PTP4A2: variants seen among roughly 807,000 people sequenced by gnomAD.
The protein encoded by PTP4A2 is protein tyrosine phosphatase 4A2.
A neutral mutation model predicts 22.9 loss-of-function variants in PTP4A2; 2 were observed. The ratio of observed to expected loss-of-function variants is 0.09; its 90% CI spans 0.04 to 0.27. The LOEUF is 0.27. Ranked by LOEUF, PTP4A2 falls within the 10% of genes least tolerant of loss-of-function variation. The pLI, the probability that PTP4A2 is intolerant of heterozygous loss-of-function variation, is 1.00. For synonymous variants in PTP4A2, 68 were observed against 69.1 expected (o/e 0.98, Z 0.08); for missense variants, 103 against 205.1 (o/e 0.50, Z 3.04).
chr1:31,919,954 C>T (rs548692016), intron 1 of PTP4A2, among the ~76,000 whole-genome samples: 86 of 148,040 alleles, frequency 5.8e-4, no homozygotes, highest in African/African-American at 2.1e-3. Flanking sequence ...TGGAGAAACC[C>T]CGTCGCTACT....
intron 2 of PTP4A2, 133 bp downstream of exon 2, chr1:31,918,836 TA>T: frequency 1.8e-6 from 1 of 563,442 alleles, no homozygotes; most frequent in Non-Finnish European, 3.2e-6. Context: ...CTGCTGTAAC[TA>T]ACCCAACCCA....
At chr1:31,910,716 C>A (rs1449813678) in intron 4 of PTP4A2, 1 of 152,166 alleles carries the variant, frequency 6.6e-6, no homozygotes, top group Admixed American at 6.5e-5. Context: ...CCTTCATTGG[C>A]CTTTAGCCAT....
intron 1 of PTP4A2, among the ~76,000 whole-genome samples, chr1:31,936,389 G>A (rs923846524): frequency 1.3e-5 from 2 of 151,594 alleles, no homozygotes; most frequent in South Asian, 2.1e-4. Flanking sequence ...CAAACAGAGC[G>A]AGACTCCATC....
chr1:31,925,087 G>A (rs1480962385), intron 1 of PTP4A2, among the ~76,000 whole-genome samples: 1 of 152,184 alleles, frequency 6.6e-6, no homozygotes, highest in Non-Finnish European at 1.5e-5. Flanking sequence ...AGATTACAAA[G>A]ATAAGAGATA....
intron 1 of PTP4A2, among the ~76,000 whole-genome samples, chr1:31,923,173 T>A (rs1652273219): frequency 6.6e-6 from 1 of 151,794 alleles, no homozygotes; most frequent in Non-Finnish European, 1.5e-5. Flanking sequence ...CCTCCCAAAG[T>A]GCTGGGATTA....
intron 1 of PTP4A2, among the ~76,000 whole-genome samples, chr1:31,927,601 T>C (rs150416182): frequency 3.9e-5 from 6 of 152,096 alleles, no homozygotes; most frequent in African/African-American, 1.4e-4. Flanking sequence ...ATTACAAAAA[T>C]GGTAAGGGTG....
rs370029267 is a variant in PTP4A2 at position 31,906,782 on chromosome 1, ACACACC to A, written c.*2064_*2069del. 7,590 of 120,454 alleles carry A rather than the reference ACACACC, an allele frequency of 0.063. 217 individuals carry two copies. The highest frequency in any genetic ancestry group is 0.1 in the Middle Eastern group (26 of 250). 7.5% of individuals were successfully genotyped at this position (120,454 alleles called of 1,614,324 possible). A position where few individuals can be genotyped will look rare whatever the true frequency, so the allele number is the denominator to read the frequency against. On this transcript the variant is annotated 3_prime_UTR_variant, in exon 6 of 6. Coordinates refer to ENST00000647444, the MANE Select transcript of PTP4A2 (RefSeq NM_080391.4). The stretch of plus-strand genomic sequence containing the variant: ...CACACACACACACACACACACACAC[ACACACC>A]CCCTCCCCCCAAACAACAAAATTCA...
chr1:31,911,916 G>GGC, intron 3 of PTP4A2, 90 bp from the exon 4 acceptor site: 1 of 939,648 alleles, frequency 1.1e-6, no homozygotes. Context: ...ACACACGGCA[G>GGC]GCCTAACTGA....
chr1:31,930,056 G>A (rs556917133), intron 1 of PTP4A2, among the ~76,000 whole-genome samples: 20 of 152,220 alleles, frequency 1.3e-4, no homozygotes, highest in South Asian at 4.1e-4. Flanking sequence ...ATACCATCTC[G>A]GGCCGGGCGT....
At chr1:31,918,569 T>C (rs1651977654) in intron 2 of PTP4A2, among the ~76,000 whole-genome samples, 1 of 152,226 alleles carries the variant, frequency 6.6e-6, no homozygotes, top group African/African-American at 2.4e-5. Context: ...TGTTTCCTCA[T>C]TGGTAAGAGG....
chr1:31,922,626 CTTT>C (rs777395674), intron 1 of PTP4A2, among the ~76,000 whole-genome samples: 1 of 105,338 alleles, frequency 9.5e-6, no homozygotes, highest in East Asian at 3.4e-4. Flanking sequence ...TTCTTTCTTT[CTTT>C]CTTTCTTTTA....
Position 31,910,033 on chromosome 1 carries a change from C to T in PTP4A2, c.395+5G>A, listed in dbSNP as rs756683728. 1.2e-6 allele frequency: 2 copies of T among 1,606,050 alleles called. No individual in the cohort carries two copies. The highest frequency in any genetic ancestry group is 1.7e-6 in the Non-Finnish European group (2 of 1,173,634). The stretch of plus-strand genomic sequence containing the variant: ...TGTTTCTGAACACAAAAACTTCATA[C>T]TCACTGTCTTATAAACTGAACTGCA... On this transcript the variant is annotated splice_donor_5th_base_variant and intron_variant, in intron 5 of 5. Transcript: ENST00000647444.
At chr1:31,931,530 C>A (rs762222389) in intron 1 of PTP4A2, among the ~76,000 whole-genome samples, 3 of 152,098 alleles carry the variant, frequency 2.0e-5, no homozygotes, top group Admixed American at 2.0e-4. Context: ...CAAGCAGCTC[C>A]GTAATTACCA....
In PTP4A2 at chr1:31,908,077, A is replaced by C. The variant is rs1489471912; in HGVS notation, c.*775T>G. 7.2e-5 allele frequency: 9 copies of C among 124,182 alleles called. No homozygotes were observed. The highest frequency in any genetic ancestry group is 1.7e-4 in the Admixed American group (2 of 11,726). 7.7% of individuals were successfully genotyped at this position (124,182 alleles called of 1,614,324 possible). A position where few individuals can be genotyped will look rare whatever the true frequency, so the allele number is the denominator to read the frequency against. On this transcript the variant is annotated 3_prime_UTR_variant, in exon 6 of 6. Transcript: ENST00000647444. ...GGGTTTTGAAGAAACTAACATGAAC[A>C]CCCTTTCATCAGTAAAGACTAAAAA...
At position 31,908,182 on chromosome 1, in the gene PTP4A2, ATATATATATAT is replaced by A. The variant is rs1651330362; in HGVS notation, c.*659_*669del. The A allele has an allele frequency of 8.6e-5, 1 of 11,682 alleles. No individual in the cohort carries two copies. Among genetic ancestry groups the A allele is most frequent in the African/African-American group, 4.1e-4 (1 of 2,410 alleles). 0.7% of individuals were successfully genotyped at this position (11,682 alleles called of 1,614,324 possible). ...TATATATATATATATATATATATATATATATATATATATATATATATATATCACTGCTGTTT... is the reference window on the plus strand; with the variant it reads ...TATATATATATATATATATATATATAATATATATATATATCACTGCTGTTT... On this transcript the variant is annotated 3_prime_UTR_variant, in exon 6 of 6. Transcript: ENST00000647444.
In PTP4A2 at chr1:31,938,333, T is replaced by C. The variant is rs955626136; in HGVS notation, c.-940A>G. On this transcript the variant is annotated 5_prime_UTR_variant, in exon 1 of 6. Coordinates refer to ENST00000647444, the MANE Select transcript of PTP4A2 (RefSeq NM_080391.4). The surrounding 1 kb of genome is among the most constrained non-coding windows in gnomAD (Gnocchi z 4.4). Reference sequence around the variant, plus strand: ...CAGACGACGGTTACAGCCCGGCCGATCGCGCCGCCACCACCACCGCTGCGC... The same window carrying C: ...CAGACGACGGTTACAGCCCGGCCGACCGCGCCGCCACCACCACCGCTGCGC... 3.6e-4 allele frequency: 53 copies of C among 148,412 alleles called. No homozygotes were observed. In the Middle Eastern group the frequency reaches 0.01, roughly 29 times the overall value. The allele number at this position is 148,412 out of a possible 1,614,324, so 9.2% of individuals were successfully genotyped here. A position where few individuals can be genotyped will look rare whatever the true frequency, so the allele number is the denominator to read the frequency against.
intron 1 of PTP4A2, among the ~76,000 whole-genome samples, chr1:31,924,798 A>G (rs1341803957): frequency 1.3e-5 from 2 of 152,234 alleles, no homozygotes; most frequent in Admixed American, 1.3e-4. Context: ...CCTAGGCAAC[A>G]TTTCCATTTT....
At chr1:31,912,079 C>CAT (rs1276107488) in intron 3 of PTP4A2, among the ~76,000 whole-genome samples, 2 of 152,150 alleles carry the variant, frequency 1.3e-5, no homozygotes, top group Admixed American at 6.5e-5. Context: ...AAATCTCTAT[C>CAT]AGAGTCATAA....
intron 1 of PTP4A2, chr1:31,933,298 T>C (rs1331356419): frequency 2.0e-5 from 3 of 152,134 alleles, no homozygotes; most frequent in Non-Finnish European, 4.4e-5. Flanking sequence ...TTTTCTAATA[T>C]TTCACAGATT....
Sources: allele counts gnomAD v4.1 joint callset (sites outside exome capture counted in the v4.1 genomes callset), GRCh38; gene constraint gnomAD v4.1.1; non-coding constraint Gnocchi (gnomAD v3.1); transcripts MANE v1.5; gene names NCBI Gene and HGNC (gene_info 2026-07-23, HGNC 2026-07-21).